The following MIR2052HG variants were observed in gnomAD, a reference collection of about 807,000 sequenced individuals.
The protein encoded by MIR2052HG is MIR2052 host gene.
chr8:74,684,376 C>T (rs981302083), intron 2 of MIR2052HG, among the ~76,000 whole-genome samples: 10 of 152,036 alleles, frequency 6.6e-5, no homozygotes, highest in African/African-American at 2.2e-4. Flanking sequence ...ATGGCCTTTA[C>T]TTTAGTCATA....
At chr8:74,736,132 C>T (rs562405982) in intron 4 of MIR2052HG, among the ~76,000 whole-genome samples, 2 of 152,246 alleles carry the variant, frequency 1.3e-5, no homozygotes, top group Middle Eastern at 6.8e-3. Context: ...GTTTCTTGAT[C>T]TGTGAAACAT....
chr8:74,648,443 C>T (rs1808716486), intron 2 of MIR2052HG, among the ~76,000 whole-genome samples: 1 of 152,170 alleles, frequency 6.6e-6, no homozygotes, highest in African/African-American at 2.4e-5. Context: ...CATGGACCCT[C>T]ATCAGTAATT....
In MIR2052HG at chr8:74,717,320, T is replaced by A. The variant is rs572194579; in HGVS notation, n.371+13638T>A. Reference sequence around the variant, plus strand: ...TGGTTTCCAGCTTCATCCATGTCCCTGCAAAGGACATGAACTCATTCTTTT... The same window carrying A: ...TGGTTTCCAGCTTCATCCATGTCCCAGCAAAGGACATGAACTCATTCTTTT... On this transcript the variant is annotated intron_variant and non_coding_transcript_variant, in intron 4 of 6. Coordinates refer to ENST00000523442, the Ensembl canonical transcript of MIR2052HG. 1.1e-4 allele frequency among the ~76,000 whole-genome samples: 16 copies of A among 152,302 alleles called. No individual in the cohort carries two copies. In the South Asian group the frequency reaches 3.1e-3, roughly 30 times the overall value.
intron 4 of MIR2052HG, among the ~76,000 whole-genome samples, chr8:74,711,288 C>G (rs1809465610): frequency 6.6e-6 from 1 of 152,176 alleles, no homozygotes; most frequent in African/African-American, 2.4e-5. Flanking sequence ...CTTTAATGTA[C>G]ATTTTCCCAC....
chr8:74,695,950 A>G (rs1269291147), intron 2 of MIR2052HG, among the ~76,000 whole-genome samples: 1 of 152,166 alleles, frequency 6.6e-6, no homozygotes, highest in East Asian at 1.9e-4. Context: ...AATGGACTTA[A>G]ACTATACCCT....
At chr8:74,630,303 T>C (rs1361499222) in intron 2 of MIR2052HG, among the ~76,000 whole-genome samples, 1 of 152,042 alleles carries the variant, frequency 6.6e-6, no homozygotes, top group Non-Finnish European at 1.5e-5. Context: ...GTTTCCCTCT[T>C]CTCTCCCAGG....
chr8:74,618,053 G>A (rs1808309646), intron 2 of MIR2052HG, among the ~76,000 whole-genome samples: 1 of 152,178 alleles, frequency 6.6e-6, no homozygotes, highest in South Asian at 2.1e-4. Flanking sequence ...AAATGGGGAA[G>A]TGCCGTACTA....
In MIR2052HG at chr8:74,679,447, G is replaced by A. The variant is rs2114054; in HGVS notation, n.217-22932G>A. Among the ~76,000 whole-genome samples the A allele has an allele frequency of 1.2e-3, 185 of 152,022 alleles. 2 individuals are homozygous for A. The East Asian group carries it at 0.026, about 21-fold the overall frequency. On this transcript the variant is annotated intron_variant and non_coding_transcript_variant, in intron 2 of 6. Transcript: ENST00000523442. ...TTTCATTCCTTTTTATGGCTAAGTA[G>A]TAGTCCATGGTGTATATGTACCACA... is the stretch of plus-strand genomic sequence containing the variant.
intron 2 of MIR2052HG, among the ~76,000 whole-genome samples, chr8:74,640,228 GCAGGTGGAT>G (rs796300400): frequency 1.3e-5 from 2 of 152,136 alleles, no homozygotes; most frequent in African/African-American, 2.4e-5. Flanking sequence ...GGAGGCCAAG[GCAGGTGGAT>G]CAGGTGGATC....
chr8:74,726,068 C>T (rs1425352375), intron 4 of MIR2052HG, among the ~76,000 whole-genome samples: 2 of 152,022 alleles, frequency 1.3e-5, no homozygotes, highest in Non-Finnish European at 2.9e-5. Flanking sequence ...TCGTGGGCAC[C>T]TGTAATCTCA....
At chr8:74,603,723 C>T in intron 1 of MIR2052HG, 1 of 894,646 alleles carries the variant, frequency 1.1e-6, no homozygotes, top group South Asian at 1.3e-5. Context: ...ACGGGATGGT[C>T]ACGCCCTTCG....
intron 2 of MIR2052HG, among the ~76,000 whole-genome samples, chr8:74,618,938 C>T (rs57951728): frequency 0.024 from 3,714 of 152,158 alleles, 135 homozygotes; most frequent in African/African-American, 0.08. Context: ...CAAGGAAATT[C>T]AGTAAAGTTT....
At chr8:74,698,634 A>G (rs901877161) in intron 2 of MIR2052HG, among the ~76,000 whole-genome samples, 1 of 152,176 alleles carries the variant, frequency 6.6e-6, no homozygotes, top group Non-Finnish European at 1.5e-5. Flanking sequence ...TATACAGAAT[A>G]TACAAGGAAC....
chr8:74,648,026 G>A (rs769307270), intron 2 of MIR2052HG, among the ~76,000 whole-genome samples: 1 of 151,982 alleles, frequency 6.6e-6, no homozygotes, highest in Non-Finnish European at 1.5e-5. Context: ...CCCTAAAAAA[G>A]AACAGAATAA....
chr8:74,644,085 A>C (rs781366358), intron 2 of MIR2052HG, among the ~76,000 whole-genome samples: 1 of 152,196 alleles, frequency 6.6e-6, no homozygotes, highest in Non-Finnish European at 1.5e-5. Flanking sequence ...GTGAAGTCCG[A>C]ACTCACTAGT....
At chr8:74,716,361 T>C (rs1017950362) in intron 4 of MIR2052HG, among the ~76,000 whole-genome samples, 5 of 152,192 alleles carry the variant, frequency 3.3e-5, no homozygotes, top group African/African-American at 9.6e-5. Context: ...CAAGCTTTAA[T>C]ATAGCTCTAG....
intron 5 of MIR2052HG, among the ~76,000 whole-genome samples, chr8:74,756,291 C>T (rs1479230166): frequency 2.0e-5 from 3 of 152,320 alleles, no homozygotes; most frequent in Admixed American, 6.5e-5. Context: ...AAGCCCCAAA[C>T]TTCTAATTGT....
intron 2 of MIR2052HG, among the ~76,000 whole-genome samples, chr8:74,699,552 C>T (rs1439941650): frequency 6.6e-6 from 1 of 151,852 alleles, no homozygotes; most frequent in Non-Finnish European, 1.5e-5. Flanking sequence ...AAAACAACAT[C>T]GTATGTCCTC....
chr8:74,636,650 A>C (rs1214210304), intron 2 of MIR2052HG, among the ~76,000 whole-genome samples: 1 of 152,048 alleles, frequency 6.6e-6, no homozygotes, highest in Non-Finnish European at 1.5e-5. Flanking sequence ...GTGGTCCATA[A>C]ATTTAATATA....
Sources: gnomAD v4.1 joint callset for allele counts (sites outside exome capture counted in the v4.1 genomes callset) on GRCh38, gnomAD v4.1.1 for gene constraint, MANE v1.5 for transcripts, NCBI Gene and HGNC (gene_info 2026-07-23, HGNC 2026-07-21) for gene names.